PPARGC1B: variants seen among roughly 807,000 people sequenced by gnomAD.
PPARGC1B encodes PPARG coactivator 1 beta.
A neutral mutation model predicts 101.6 loss-of-function variants in PPARGC1B; 34 were observed. The observed-to-expected ratio is 0.33, with a 90% CI of 0.25 to 0.45. The LOEUF is 0.45. Ranked by LOEUF, PPARGC1B falls within the 20% of genes least tolerant of loss-of-function variation. PPARGC1B has a pLI of 1.00. For synonymous variants in PPARGC1B, 548 were observed against 539.3 expected, an observed-to-expected ratio of 1.02 and a Z score of -0.22; for missense variants, 1,234 against 1,317.6, an observed-to-expected ratio of 0.94 and a Z score of 0.98.
chr5:149,737,396 A>C (rs572648421), intron 1 of PPARGC1B, among the ~76,000 whole-genome samples: 1 of 151,828 alleles, frequency 6.6e-6, no homozygotes, highest in Non-Finnish European at 1.5e-5. Flanking sequence ...AAAACCCTGA[A>C]TTTTCCTCCT....
rs1307081625 is a variant in PPARGC1B at position 149,836,887 on chromosome 5, A to G, written c.2432A>G (p.Glu811Gly). Residue 811 changes from glutamate (E) to glycine (G), a missense_variant, in exon 8 of 12, where the codon GAA (glutamate) becomes GGA (glycine). Transcript: ENST00000309241. ...AGCTTCCTCCCAGAGGAGGAAGAGGAAGAAGGGGAGGAGGAGGAGGAGGAC... is the reference window on the plus strand; with the variant it reads ...AGCTTCCTCCCAGAGGAGGAAGAGGGAGAAGGGGAGGAGGAGGAGGAGGAC... ...ESSFLPEEEE[E>G]EGEEEEEDDE... 1.2e-6 allele frequency: 2 copies of G among 1,613,118 alleles called. No homozygotes were observed. Among genetic ancestry groups the G allele is most frequent in the African/African-American group, 2.7e-5 (2 of 75,028 alleles).
At chr5:149,748,319 A>G (rs200324414) in intron 1 of PPARGC1B, among the ~76,000 whole-genome samples, 1 of 73,856 alleles carries the variant, frequency 1.4e-5, no homozygotes, top group Non-Finnish European at 2.7e-5. Context: ...ATAGATATAG[A>G]TATATCTATA....
At chr5:149,771,776 G>A (rs1756140534) in intron 1 of PPARGC1B, among the ~76,000 whole-genome samples, 2 of 152,214 alleles carry the variant, frequency 1.3e-5, no homozygotes, top group South Asian at 4.1e-4. Flanking sequence ...TCAGTGGTGT[G>A]CTGGGAAATG....
At chr5:149,742,237 C>T (rs1754936818) in intron 1 of PPARGC1B, among the ~76,000 whole-genome samples, 1 of 152,186 alleles carries the variant, frequency 6.6e-6, no homozygotes, top group African/African-American at 2.4e-5. Context: ...TCCCCTATAC[C>T]AGGCAACCAT....
At chr5:149,856,333 G>A (rs192698472), downstream of PPARGC1B, among the ~76,000 whole-genome samples, 102 of 152,260 alleles carry the variant, frequency 6.7e-4, no homozygotes, top group Non-Finnish European at 2.9e-4. Context: ...TAATAGGAAC[G>A]TTTCCACTTA....
In PPARGC1B at chr5:149,853,903, T is replaced by G. The variant is rs1221555246; in HGVS notation, c.*6345T>G. The G allele has an allele frequency of 1.3e-5, 2 of 152,128 alleles. No homozygotes were observed. The highest frequency in any genetic ancestry group is 2.9e-5 in the Non-Finnish European group (2 of 68,036). 9.4% of individuals were successfully genotyped at this position (152,128 alleles called of 1,614,324 possible). Reference sequence around the variant, plus strand: ...CAGCTTAGTGCAGTCTGCTCTGGAATTCACACCCACCCCCTCGCCTCCTTG... The same window carrying G: ...CAGCTTAGTGCAGTCTGCTCTGGAAGTCACACCCACCCCCTCGCCTCCTTG... On this transcript the variant is annotated 3_prime_UTR_variant, in exon 12 of 12. Transcript: ENST00000309241. The surrounding 1 kb of genome is among the most constrained non-coding windows in gnomAD (Gnocchi z 4.2).
intron 1 of PPARGC1B, among the ~76,000 whole-genome samples, chr5:149,764,086 A>G (rs1022777391): frequency 6.6e-6 from 1 of 152,196 alleles, no homozygotes; most frequent in African/African-American, 2.4e-5. Flanking sequence ...TTCGCATGTG[A>G]TTTCATAGAC....
chr5:149,826,638 C>T lies in PPARGC1B; in HGVS notation c.253-35C>T, dbSNP rs762725878. 9 of 1,530,070 alleles carry T rather than the reference C, an allele frequency of 5.9e-6. No individual in the cohort carries two copies. In the African/African-American group the frequency reaches 1.2e-4, roughly 21 times the overall value. 94.8% of individuals were successfully genotyped at this position (1,530,070 alleles called of 1,614,324 possible). A position where few individuals can be genotyped will look rare whatever the true frequency, so the allele number is the denominator to read the frequency against. On this transcript the variant is annotated intron_variant, in intron 2 of 11. Coordinates refer to ENST00000309241, the MANE Select transcript of PPARGC1B (RefSeq NM_133263.4). ...AGGTGGTGACTAACCATCTCCCCAT[C>T]TGCCTTTCTGACCCTCCCGCCCTCC...
At chr5:149,814,697 T>A (rs1757988694) in intron 1 of PPARGC1B, among the ~76,000 whole-genome samples, 1 of 152,254 alleles carries the variant, frequency 6.6e-6, no homozygotes. Flanking sequence ...TGAAGATGCA[T>A]TCTTTCTTAA....
chr5:149,835,261 G>T, intron 6 of PPARGC1B, 40 bp from the exon 7 acceptor site: 2 of 1,602,736 alleles, frequency 1.2e-6, no homozygotes, highest in South Asian at 1.1e-5. Context: ...GCCTGCTGCT[G>T]ACTTGCTTCT....
chr5:149,856,543 G>T (rs531641810), downstream of PPARGC1B, among the ~76,000 whole-genome samples: 1 of 152,280 alleles, frequency 6.6e-6, no homozygotes, highest in African/African-American at 2.4e-5. Context: ...CTCAAGACCT[G>T]CCTTTGGGAC....
intron 1 of PPARGC1B, among the ~76,000 whole-genome samples, chr5:149,737,853 G>A (rs184652872): frequency 1.2e-4 from 18 of 152,300 alleles, no homozygotes; most frequent in African/African-American, 4.1e-4. Context: ...AATTAGCCGG[G>A]CATGGTGGCG....
At chr5:149,779,029 G>C (rs1288654292) in intron 1 of PPARGC1B, among the ~76,000 whole-genome samples, 6 of 152,076 alleles carry the variant, frequency 3.9e-5, no homozygotes, top group Non-Finnish European at 8.8e-5. Flanking sequence ...CCTAGTTTTT[G>C]AATGTCACAA....
intron 7 of PPARGC1B, 106 bp downstream of exon 7, chr5:149,835,471 A>G (rs1215166984): frequency 2.0e-6 from 2 of 981,170 alleles, no homozygotes; most frequent in Non-Finnish European, 3.2e-6. Context: ...ACGATGCGCA[A>G]GATGCCTGCC....
chr5:149,801,961 A>G (rs922724956), intron 1 of PPARGC1B, among the ~76,000 whole-genome samples: 2 of 152,122 alleles, frequency 1.3e-5, no homozygotes, highest in African/African-American at 4.8e-5. Flanking sequence ...TAATCCTCAT[A>G]AGAACCCTAA....
At chr5:149,763,761 G>A (rs756456165) in intron 1 of PPARGC1B, among the ~76,000 whole-genome samples, 5 of 151,898 alleles carry the variant, frequency 3.3e-5, no homozygotes, top group Admixed American at 6.6e-5. Context: ...AAACTCCTGG[G>A]CTCAAGTCAT....
chr5:149,778,935 C>T (rs1756494759), intron 1 of PPARGC1B, among the ~76,000 whole-genome samples: 1 of 152,108 alleles, frequency 6.6e-6, no homozygotes, highest in Admixed American at 6.5e-5. Context: ...GGAGATGACC[C>T]ATGCCTAGCA....
At chr5:149,804,365 C>T (rs1757526616) in intron 1 of PPARGC1B, among the ~76,000 whole-genome samples, 1 of 152,152 alleles carries the variant, frequency 6.6e-6, no homozygotes, top group South Asian at 2.1e-4. Flanking sequence ...TCCCTGGTTC[C>T]ATGCTATGCT....
At chr5:149,843,189 A>G (rs982406334) in intron 10 of PPARGC1B, among the ~76,000 whole-genome samples, 8 of 152,164 alleles carry the variant, frequency 5.3e-5, no homozygotes, top group Admixed American at 3.3e-4. Flanking sequence ...CTTTTGTTCT[A>G]CTAGGCAGCC....
Sources: gnomAD v4.1 joint callset for allele counts (sites outside exome capture counted in the v4.1 genomes callset) on GRCh38, gnomAD v4.1.1 for gene constraint, Gnocchi (gnomAD v3.1) non-coding constraint, MANE v1.5 for transcripts, NCBI Gene and HGNC (gene_info 2026-07-23, HGNC 2026-07-21) for gene names.